TNRC6B: variants seen among roughly 807,000 people sequenced by gnomAD.
TNRC6B encodes trinucleotide repeat-containing gene 6B protein.
A neutral mutation model predicts 203.6 loss-of-function variants in TNRC6B; 52 were observed. That is an observed-to-expected ratio of 0.26 (90% CI 0.20 to 0.32). The LOEUF (loss-of-function observed/expected upper bound fraction) is 0.32. Ranked by LOEUF, TNRC6B falls within the 10% of genes least tolerant of loss-of-function variation. TNRC6B has a pLI of 1.00. For synonymous variants in TNRC6B, 838 were observed against 845.7 expected, an observed-to-expected ratio of 0.99 and a Z score of 0.16; for missense variants, 1,923 against 2,286.2, an observed-to-expected ratio of 0.84 and a Z score of 3.24.
rs1290534538 is a variant in TNRC6B at position 40,280,403 on chromosome 22, G to A, written c.3411+260G>A. Among the ~76,000 whole-genome samples, 7 of 152,338 alleles carry A rather than the reference G, an allele frequency of 4.6e-5. No homozygotes were observed. The East Asian group carries it at 1.3e-3, about 29-fold the overall frequency. On this transcript the variant is annotated intron_variant, in intron 10 of 22. Transcript: ENST00000454349. The stretch of plus-strand genomic sequence containing the variant: ...AAATTCATGAAGTGTGGAAATTTTA[G>A]AGATAAACTTACTCTGCATTCTTTT...
intron 1 of TNRC6B, among the ~76,000 whole-genome samples, chr22:40,217,860 A>G (rs1279185202): frequency 1.3e-5 from 2 of 151,708 alleles, no homozygotes; most frequent in African/African-American, 4.8e-5. Context: ...CTGTGGTCCC[A>G]GCTACTCAGG....
intron 3 of TNRC6B, among the ~76,000 whole-genome samples, chr22:40,152,530 A>G (rs777465920): frequency 4.7e-4 from 71 of 152,154 alleles, no homozygotes; most frequent in Middle Eastern, 3.4e-3. Flanking sequence ...GGGTTTCACC[A>G]TGTTAGCCAG....
At position 40,240,099 on chromosome 22, in the gene TNRC6B, G is replaced by A. The variant is rs564207467; in HGVS notation, c.6-5916G>A. ...GCCCGCCTCAGCCTCCGAAAGTGCT[G>A]GGATTACAGGCATGAGCAACTGTGC... On this transcript the variant is annotated intron_variant, in intron 1 of 22. Coordinates refer to ENST00000454349, the MANE Select transcript of TNRC6B (RefSeq NM_001162501.2). Among the ~76,000 whole-genome samples the A allele has an allele frequency of 3.9e-5, 6 of 152,228 alleles. 1 individual carries two copies. The Middle Eastern group carries it at 0.014, about 345-fold the overall frequency.
chr22:40,056,019 C>T (rs1457256789), intron 1 of TNRC6B, among the ~76,000 whole-genome samples: 2 of 151,982 alleles, frequency 1.3e-5, no homozygotes, highest in African/African-American at 2.4e-5. Flanking sequence ...AAAATGTAGC[C>T]CATTTTCCTT....
rs1168517398 is a variant in TNRC6B at position 40,333,770 on chromosome 22, G to C, written c.*10529G>C. On this transcript the variant is annotated 3_prime_UTR_variant, in exon 23 of 23. Coordinates refer to ENST00000454349, the MANE Select transcript of TNRC6B (RefSeq NM_001162501.2). ...CTCCATGAGCTCGAAGCGACATTAAGTAGAGGGAAATGCTTTTAACAAATG... is the reference window on the plus strand; with the variant it reads ...CTCCATGAGCTCGAAGCGACATTAACTAGAGGGAAATGCTTTTAACAAATG... The C allele has an allele frequency of 6.6e-6, 1 of 152,650 alleles. No individual in the cohort carries two copies. Among genetic ancestry groups the C allele is most frequent in the Non-Finnish European group, 1.5e-5 (1 of 68,046 alleles). 9.5% of individuals were successfully genotyped at this position (152,650 alleles called of 1,614,324 possible).
At chr22:40,045,577 C>G (rs1311841462) in intron 1 of TNRC6B, 3 of 152,228 alleles carry the variant, frequency 2.0e-5, no homozygotes, top group Non-Finnish European at 4.4e-5. Context: ...TGTGCAGGAC[C>G]TGCGTGACAA....
intron 12 of TNRC6B, among the ~76,000 whole-genome samples, chr22:40,299,764 C>A (rs569487259): frequency 1.3e-4 from 20 of 152,260 alleles, no homozygotes; most frequent in African/African-American, 4.8e-4. Flanking sequence ...CCAACTAGTC[C>A]AGTGGGTTCA....
intron 1 of TNRC6B, among the ~76,000 whole-genome samples, chr22:40,179,843 G>C (rs1370576604): frequency 6.6e-6 from 1 of 151,908 alleles, no homozygotes; most frequent in Admixed American, 6.6e-5. Context: ...GTAGATGAAG[G>C]GACTTTCACG....
intron 1 of TNRC6B, among the ~76,000 whole-genome samples, chr22:40,074,505 G>A (rs1407167415): frequency 1.3e-5 from 2 of 151,920 alleles, no homozygotes; most frequent in African/African-American, 4.8e-5. Flanking sequence ...ATGGCTGGGC[G>A]CGGTGGCTCA....
rs2070469432 is a variant in TNRC6B, at chr22:40,265,747, T to G, written c.1517T>G (p.Val506Gly). ...WGEGNKMTSG[V>G]SQGEWKQPTG... ...GAAGGGAACAAAATGACATCTGGGGTCTCTCAGGGAGAATGGAAACAGCCG... is the reference window on the plus strand; with the variant it reads ...GAAGGGAACAAAATGACATCTGGGGGCTCTCAGGGAGAATGGAAACAGCCG... Residue 506 changes from valine to glycine, a missense_variant, in exon 5 of 23, where the codon GTC becomes GGC. This residue lies in a region of TNRC6B where 614 missense variants were observed against 587.7 expected (regional missense o/e 1.04). Coordinates refer to ENST00000454349, the MANE Select transcript of TNRC6B (RefSeq NM_001162501.2). The G allele has an allele frequency of 1.9e-6, 3 of 1,613,722 alleles. No homozygotes were observed. The highest frequency in any genetic ancestry group is 2.5e-6 in the Non-Finnish European group (3 of 1,179,822).
At chr22:40,109,528 G>T (rs373497694) in intron 1 of TNRC6B, among the ~76,000 whole-genome samples, 1 of 152,126 alleles carries the variant, frequency 6.6e-6, no homozygotes, top group African/African-American at 2.4e-5. Flanking sequence ...TTTCTCTAAT[G>T]ATCAGTGATA....
intron 4 of TNRC6B, among the ~76,000 whole-genome samples, chr22:40,161,865 T>G (rs2068874032): frequency 6.6e-6 from 1 of 152,192 alleles, no homozygotes; most frequent in African/African-American, 2.4e-5. Flanking sequence ...TACATTAAAA[T>G]TACACAGCTT....
At chr22:40,252,014 C>T (rs905299039) in intron 3 of TNRC6B, among the ~76,000 whole-genome samples, 1 of 152,138 alleles carries the variant, frequency 6.6e-6, no homozygotes, top group Non-Finnish European at 1.5e-5. Context: ...GAAGCAGGTG[C>T]CCCTTGGGTC....
intron 1 of TNRC6B, among the ~76,000 whole-genome samples, chr22:40,230,541 A>G (rs2069855026): frequency 6.6e-6 from 1 of 151,952 alleles, no homozygotes; most frequent in Non-Finnish European, 1.5e-5. Context: ...ATCCACTCAC[A>G]TCGGCCTCCA....
intron 1 of TNRC6B, among the ~76,000 whole-genome samples, chr22:40,108,313 C>T (rs907629459): frequency 1.3e-5 from 2 of 152,174 alleles, no homozygotes; most frequent in African/African-American, 4.8e-5. Flanking sequence ...CAGAACCCTG[C>T]CTTGCCCTGG....
At chr22:40,067,384 T>A (rs1228297843) in intron 1 of TNRC6B, among the ~76,000 whole-genome samples, 1 of 152,154 alleles carries the variant, frequency 6.6e-6, no homozygotes, top group African/African-American at 2.4e-5. Flanking sequence ...GCCTTGACTC[T>A]GGATATATTA....
Position 40,227,073 on chromosome 22 carries a change from C to T in TNRC6B, c.6-18942C>T, listed in dbSNP as rs546756647. Among the ~76,000 whole-genome samples, 3 of 110,082 alleles carry T rather than the reference C, an allele frequency of 2.7e-5. No individual in the cohort carries two copies. The East Asian group carries it at 7.6e-4, about 28-fold the overall frequency. The allele number at this position is 110,082 out of a possible 152,430, so 72.2% of individuals were successfully genotyped here. ...TACAGGCATGTGTCGCCACACCCAGCTAATTATTATTATTATTATTATTAT... is the reference window on the plus strand; with the variant it reads ...TACAGGCATGTGTCGCCACACCCAGTTAATTATTATTATTATTATTATTAT... On this transcript the variant is annotated intron_variant, in intron 1 of 22. Coordinates refer to ENST00000454349, the MANE Select transcript of TNRC6B (RefSeq NM_001162501.2).
At chr22:40,223,043 A>C (rs1168852748) in intron 1 of TNRC6B, among the ~76,000 whole-genome samples, 3 of 151,160 alleles carry the variant, frequency 2.0e-5, no homozygotes, top group African/African-American at 7.3e-5. Context: ...CACCACACCC[A>C]ACCTGTATTA....
chr22:40,179,752 T>G (rs1180777407), intron 1 of TNRC6B, among the ~76,000 whole-genome samples: 1 of 152,218 alleles, frequency 6.6e-6, no homozygotes, highest in African/African-American at 2.4e-5. Flanking sequence ...GGGTGTGTGG[T>G]GCTTTCAAAA....
Sources: gnomAD v4.1 joint callset for allele counts (sites outside exome capture counted in the v4.1 genomes callset) on GRCh38, gnomAD v4.1.1 for gene constraint, gnomAD v4.1.1 regional missense constraint, MANE v1.5 for transcripts, NCBI Gene and HGNC (gene_info 2026-07-23, HGNC 2026-07-21) for gene names.